Variants in ARFGEF3 observed in about 807,000 individuals in gnomAD.
The protein encoded by ARFGEF3 is ARFGEF family member 3, also known as brefeldin A-inhibited guanine nucleotide-exchange protein 3.
In ARFGEF3, 96 loss-of-function variants were observed where a neutral mutation model predicts 221.7. The observed-to-expected ratio is 0.43, with a 90% CI of 0.37 to 0.51. ARFGEF3 has a LOEUF of 0.51. ARFGEF3 is among the 20% of genes least tolerant of loss of function. The pLI, the probability that ARFGEF3 is intolerant of heterozygous loss-of-function variation, is 0.00. For missense variants in ARFGEF3, 2,410 were observed against 2,789.9 expected, an observed-to-expected ratio of 0.86 and a Z score of 3.07; for synonymous variants, 1,145 against 1,126.8, an observed-to-expected ratio of 1.02 and a Z score of -0.32.
At chr6:138,294,198 G>A in intron 20 of ARFGEF3, 72 bp downstream of exon 20, 1 of 1,500,084 alleles carries the variant, frequency 6.7e-7, no homozygotes, top group Non-Finnish European at 9.1e-7. Flanking sequence ...ATCACCAGCA[G>A]CGTGCCTGAA....
intron 2 of ARFGEF3, among the ~76,000 whole-genome samples, chr6:138,206,725 T>G (rs1472007121): frequency 6.6e-6 from 1 of 152,184 alleles, no homozygotes; most frequent in Non-Finnish European, 1.5e-5. Context: ...GCTGTTAATT[T>G]GGGAAAGAAC....
rs145180404 is a variant in ARFGEF3, at chr6:138,263,554, T to C, written c.2071T>C (p.Ser691Pro). The change falls in exon 12 of 34, where the codon TCC (serine) becomes CCC (proline). Residue 691 changes from serine to proline, a missense_variant. Around this residue, in one of 5 missense-constraint regions of ARFGEF3, gnomAD observed 594 missense variants for 734.3 expected, o/e 0.81. Coordinates refer to ENST00000251691, the MANE Select transcript of ARFGEF3 (RefSeq NM_020340.5). ...EGLLPRLLSL[S>P]NVEEVDTALQ... ...CCTCCTCCCTCGGCTCCTGTCTCTCTCCAATGTAGAGGAGGTGGACACCGC... is the reference window on the plus strand; with the variant it reads ...CCTCCTCCCTCGGCTCCTGTCTCTCCCCAATGTAGAGGAGGTGGACACCGC... The C allele has an allele frequency of 6.3e-4, 1,011 of 1,612,608 alleles. 2 individuals are homozygous for C. The highest frequency in any genetic ancestry group is 7.9e-4 in the Non-Finnish European group (928 of 1,179,768).
intron 12 of ARFGEF3, among the ~76,000 whole-genome samples, chr6:138,274,064 C>A (rs1164506322): frequency 6.6e-6 from 1 of 152,216 alleles, no homozygotes; most frequent in Non-Finnish European, 1.5e-5. Context: ...TTCCTCACTT[C>A]TCTGCTGATT....
At chr6:138,207,918 A>C (rs1777653254) in intron 3 of ARFGEF3, among the ~76,000 whole-genome samples, 1 of 152,256 alleles carries the variant, frequency 6.6e-6, no homozygotes, top group Admixed American at 6.5e-5. Context: ...CCTATGAAAT[A>C]GTGAGAAAAC....
At chr6:138,284,558 C>T (rs185478572) in intron 14 of ARFGEF3, among the ~76,000 whole-genome samples, 363 of 152,226 alleles carry the variant, frequency 2.4e-3, no homozygotes, top group African/African-American at 8.3e-3. Context: ...GTCCTTTCCT[C>T]GCCATAACGT....
chr6:138,217,794 A>C, intron 4 of ARFGEF3: 2 of 779,586 alleles, frequency 2.6e-6, no homozygotes, highest in Non-Finnish European at 3.7e-6. Flanking sequence ...CTATGAGTTC[A>C]AGATTGAGAA....
At chr6:138,247,170 T>A (rs1420894444) in intron 8 of ARFGEF3, among the ~76,000 whole-genome samples, 1 of 152,180 alleles carries the variant, frequency 6.6e-6, no homozygotes, top group Non-Finnish European at 1.5e-5. Flanking sequence ...GGCTGAGTCC[T>A]ACAGCAGATG....
intron 4 of ARFGEF3, among the ~76,000 whole-genome samples, chr6:138,213,287 CAA>C (rs36044450): frequency 1.2e-3 from 105 of 90,372 alleles, no homozygotes; most frequent in East Asian, 6.5e-3. Flanking sequence ...GACTCCATCT[CAA>C]AAAAAAAAAA....
At chr6:138,246,672 A>G (rs1343850834) in intron 8 of ARFGEF3, among the ~76,000 whole-genome samples, 1 of 152,238 alleles carries the variant, frequency 6.6e-6, no homozygotes, top group Non-Finnish European at 1.5e-5. Flanking sequence ...AGAAAATAAA[A>G]TAGTGGTACC....
chr6:138,209,921 G>A lies in ARFGEF3; in HGVS notation c.231G>A (p.Ser77=), dbSNP rs138636575. 44 of 1,613,538 alleles carry A rather than the reference G, an allele frequency of 2.7e-5. No homozygotes were observed. Among genetic ancestry groups the A allele is most frequent in the Middle Eastern group, 1.6e-4 (1 of 6,082 alleles). The stretch of plus-strand genomic sequence containing the variant: ...GTGCCTCTTTACAGAAGCTTCTGTC[G>A]GAAGAGAGGTTTGTATCCATGGAAA... ...HALAGMQKLL[S]EERFVSMETD... is the part of the protein sequence containing the mutation. The change falls in exon 4 of 34, where the codon TCG becomes TCA. Residue 77 remains serine (S), a synonymous_variant. Transcript: ENST00000251691.
intron 2 of ARFGEF3, among the ~76,000 whole-genome samples, chr6:138,192,922 A>G (rs1186537420): frequency 6.6e-6 from 1 of 151,822 alleles, no homozygotes; most frequent in African/African-American, 2.4e-5. Context: ...TTTTTTTTTT[A>G]TGATAGTCTG....
chr6:138,293,663 A>C (rs1238196450), intron 19 of ARFGEF3, among the ~76,000 whole-genome samples: 2 of 152,208 alleles, frequency 1.3e-5, no homozygotes, highest in African/African-American at 4.8e-5. Context: ...AATTCTGAAG[A>C]TTCCATTCCC....
At chr6:138,314,124 A>G (rs1211682548) in intron 26 of ARFGEF3, among the ~76,000 whole-genome samples, 185 bp downstream of exon 26, 4 of 152,330 alleles carry the variant, frequency 2.6e-5, no homozygotes, top group African/African-American at 9.6e-5. Flanking sequence ...CTGAGAAGCC[A>G]AAAGTTGAGG....
At chr6:138,325,007 T>C (rs1395384646) in intron 31 of ARFGEF3, among the ~76,000 whole-genome samples, 3 of 152,246 alleles carry the variant, frequency 2.0e-5, no homozygotes, top group Non-Finnish European at 2.9e-5. Flanking sequence ...CCAATAACCA[T>C]TGACTGGCTA....
At chr6:138,239,667 A>G (rs1004107838) in intron 6 of ARFGEF3, among the ~76,000 whole-genome samples, 21 of 151,788 alleles carry the variant, frequency 1.4e-4, no homozygotes, top group South Asian at 4.2e-4. Context: ...AAAAAAAAAA[A>G]AAAGAAAGAA....
intron 1 of ARFGEF3, among the ~76,000 whole-genome samples, chr6:138,163,879 A>G (rs1776668383): frequency 6.6e-6 from 1 of 152,230 alleles, no homozygotes; most frequent in South Asian, 2.1e-4. Flanking sequence ...AAACCAGGAA[A>G]ACAAGTCAAA....
chr6:138,274,893 A>C (rs1779068167), intron 12 of ARFGEF3, among the ~76,000 whole-genome samples: 1 of 151,452 alleles, frequency 6.6e-6, no homozygotes, highest in Non-Finnish European at 1.5e-5. Flanking sequence ...AGATCACCTG[A>C]GGTCGGGAAT....
intron 25 of ARFGEF3, among the ~76,000 whole-genome samples, chr6:138,312,812 C>T (rs140855523): frequency 2.1e-3 from 316 of 152,288 alleles, no homozygotes; most frequent in African/African-American, 7.2e-3. Context: ...CAGGTTCAAG[C>T]GATTCTCCTG....
chr6:138,307,685 A>T (rs1779750979), intron 23 of ARFGEF3, among the ~76,000 whole-genome samples: 1 of 152,234 alleles, frequency 6.6e-6, no homozygotes, highest in Non-Finnish European at 1.5e-5. Context: ...AAAGCCAAAA[A>T]GAAAAATGTT....
Sources: allele counts gnomAD v4.1 joint callset (sites outside exome capture counted in the v4.1 genomes callset), GRCh38; gene constraint gnomAD v4.1.1; regional missense constraint gnomAD v4.1.1; transcripts MANE v1.5; gene names NCBI Gene and HGNC (gene_info 2026-07-23, HGNC 2026-07-21).